EFCAB8: variants seen among roughly 807,000 people sequenced by gnomAD.
EFCAB8 encodes EF-hand calcium binding domain 8, also known as EF-hand calcium-binding domain-containing protein 8.
EFCAB8 carries 100 observed loss-of-function variants against 116.3 expected under a neutral mutation model. The ratio of observed to expected loss-of-function variants is 0.86; its 90% CI spans 0.73 to 1.02. The LOEUF is 1.02. Among genes scored for constraint, EFCAB8 ranks in the 50% least tolerant of loss-of-function variants. The pLI is 0.00. For missense variants in EFCAB8, 1,320 were observed against 1,416.9 expected (o/e 0.93, Z 1.10); for synonymous variants, 558 against 567.9 (o/e 0.98, Z 0.25).
intron 4 of EFCAB8, among the ~76,000 whole-genome samples, chr20:32,876,514 G>A: frequency 6.6e-6 from 1 of 152,204 alleles, no homozygotes; most frequent in East Asian, 1.9e-4. Flanking sequence ...GGAATATACA[G>A]CTTTTTAAGC....
intron 21 of EFCAB8, 93 bp downstream of exon 21, chr20:32,930,709 C>G: frequency 8.3e-7 from 1 of 1,208,250 alleles, no homozygotes; most frequent in South Asian, 1.4e-5. Context: ...AGTTCCTACT[C>G]TGTCTGGGTA....
At chr20:32,920,338 A>T in intron 20 of EFCAB8, 123 bp downstream of exon 20, 1 of 1,358,540 alleles carries the variant, frequency 7.4e-7, no homozygotes, top group Non-Finnish European at 9.9e-7. Context: ...CAGTGCCCGG[A>T]AGGCATCTTG....
rs1162669938 is a variant in EFCAB8 at position 32,911,647 on chromosome 20, G to T, written c.1725G>T (p.Lys575Asn). Residue 575 changes from lysine (K) to asparagine (N), a missense_variant, in exon 16 of 27, where the codon AAG (lysine) becomes AAT (asparagine). By Grantham distance (94) the Lys-to-Asn change is moderately conservative. Transcript: ENST00000400522. ...LLTGLRDGTMKMWNYNIGKCL... is the reference protein window; with the variant it reads ...LLTGLRDGTMNMWNYNIGKCL... Reference sequence around the variant, plus strand: ...CAGGTTTGCGGGATGGCACAATGAAGATGTGGAACTACAACATTGGCAAAT... The same window carrying T: ...CAGGTTTGCGGGATGGCACAATGAATATGTGGAACTACAACATTGGCAAAT... The T allele has an allele frequency of 5.8e-6, 9 of 1,551,628 alleles. No homozygotes were observed. The East Asian group carries it at 2.0e-4, about 34-fold the overall frequency.
At chr20:32,910,649 A>T (rs1486417938) in intron 15 of EFCAB8, among the ~76,000 whole-genome samples, 1 of 152,070 alleles carries the variant, frequency 6.6e-6, no homozygotes, top group East Asian at 1.9e-4. Flanking sequence ...TCAGTACCTT[A>T]AAAAAGTTTG....
At position 32,893,276 on chromosome 20, in the gene EFCAB8, C is replaced by A. The variant is rs1986005930; in HGVS notation, c.861C>A (p.Ile287=). The A allele has an allele frequency of 6.4e-7, 1 of 1,551,756 alleles. No homozygotes were observed. Among genetic ancestry groups the A allele is most frequent in the Admixed American group, 2.0e-5 (1 of 50,986 alleles). The change falls in exon 9 of 27, where the codon ATC becomes ATA. Residue 287 remains isoleucine (I), a synonymous_variant. Coordinates refer to ENST00000400522, the MANE Select transcript of EFCAB8 (RefSeq NM_001143967.2). ...CCAGTGGGCTGTTCAACCCCCGTATCCTCCCCAGGGCCTCCAAGTGGGGTA... is the reference window on the plus strand; with the variant it reads ...CCAGTGGGCTGTTCAACCCCCGTATACTCCCCAGGGCCTCCAAGTGGGGTA... The part of the protein sequence containing the change: ...NMTSGLFNPR[I]LPRASKWDHW...
chr20:32,939,199 CTTTCCTCTCTCTCTCT>C (rs1568941858), intron 22 of EFCAB8, among the ~76,000 whole-genome samples: 1 of 63,526 alleles, frequency 1.6e-5, no homozygotes, highest in Non-Finnish European at 3.1e-5. Context: ...TTCTTTCTTT[CTTTCCTCTCTCTCTCT>C]CTCTCTCTCT....
At position 32,937,793 on chromosome 20, in the gene EFCAB8, A is replaced by G. The variant is rs141967893; in HGVS notation, c.2791-5843A>G. Among the ~76,000 whole-genome samples the G allele has an allele frequency of 3.3e-3, 485 of 149,022 alleles. 35 individuals are homozygous for G. Among genetic ancestry groups the G allele is most frequent in the African/African-American group, 0.011 (460 of 40,040 alleles). On this transcript the variant is annotated intron_variant, in intron 22 of 26. Transcript: ENST00000400522. The stretch of plus-strand genomic sequence containing the variant: ...ACCACCATGCCTGGCTAATTTTTGT[A>G]TTTTTAGTAGAGACAGGGTTTCACC...
chr20:32,920,084 T>A lies in EFCAB8; in HGVS notation c.2281T>A (p.Ser761Thr), dbSNP rs757915907. The A allele has an allele frequency of 8.4e-6, 13 of 1,551,496 alleles. No homozygotes were observed. Among genetic ancestry groups the A allele is most frequent in the African/African-American group, 1.4e-5 (1 of 72,982 alleles). Residue 761 changes from serine to threonine, a missense_variant, in exon 20 of 27, where the codon TCC becomes ACC. By Grantham distance (58) the Ser-to-Thr change is moderately conservative. Transcript: ENST00000400522. ...TGCCCATCTTTCTTTCCAGAAACCT[T>A]CCAGTGCTTCTGGCACATCCAGGCA... ...PDRPVPQQKP[S>T]SASGTSRQSS...
intron 15 of EFCAB8, among the ~76,000 whole-genome samples, chr20:32,910,760 T>TTG (rs72023434): frequency 6.9e-6 from 1 of 144,520 alleles, no homozygotes; most frequent in Admixed American, 6.9e-5. Flanking sequence ...TTTTTTTTTT[T>TTG]GCCAGGGTCT....
At chr20:32,892,383 C>T in intron 8 of EFCAB8, 86 bp downstream of exon 8, 1 of 1,218,146 alleles carries the variant, frequency 8.2e-7, no homozygotes, top group Admixed American at 2.2e-5. Flanking sequence ...GTTGGGGCCC[C>T]CAGAAAGCCT....
chr20:32,863,455 T>C (rs1472728710), intron 1 of EFCAB8, among the ~76,000 whole-genome samples: 1 of 152,192 alleles, frequency 6.6e-6, no homozygotes, highest in African/African-American at 2.4e-5. Context: ...CTTCTACTTC[T>C]GTAGAAAGTG....
intron 22 of EFCAB8, among the ~76,000 whole-genome samples, chr20:32,941,943 A>G (rs1012419313): frequency 1.3e-5 from 2 of 152,208 alleles, no homozygotes; most frequent in African/African-American, 2.4e-5. Context: ...GTTGTTGTTT[A>G]TAGTTGTTTA....
intron 22 of EFCAB8, 101 bp downstream of exon 22, chr20:32,931,437 A>G: frequency 7.3e-7 from 1 of 1,365,706 alleles, no homozygotes; most frequent in Non-Finnish European, 9.6e-7. Context: ...TACACTTACT[A>G]AAAGATAAGA....
At chr20:32,922,813 T>TTCTC (rs150322386) in intron 20 of EFCAB8, among the ~76,000 whole-genome samples, 17 of 151,406 alleles carry the variant, frequency 1.1e-4, no homozygotes, top group African/African-American at 3.6e-4. Context: ...GAATGAGTAC[T>TTCTC]TCTCTCTCTC....
intron 5 of EFCAB8, among the ~76,000 whole-genome samples, chr20:32,879,626 A>T (rs971818154): frequency 9.9e-5 from 15 of 152,128 alleles, no homozygotes. Context: ...GCTAGGTTCA[A>T]TGGAGGGTGG....
chr20:32,889,263 G>T, intron 6 of EFCAB8, 38 bp from the exon 7 acceptor site: 1 of 1,527,408 alleles, frequency 6.5e-7, no homozygotes, highest in South Asian at 1.2e-5. Flanking sequence ...GCCTGAGTAT[G>T]CGTCCCAGCC....
chr20:32,946,239 C>T (rs1400588887), intron 23 of EFCAB8, among the ~76,000 whole-genome samples: 4 of 152,204 alleles, frequency 2.6e-5, no homozygotes. Context: ...TCATGCAGCC[C>T]TCTGAAAAGT....
At chr20:32,889,496 G>C (rs537914375) in intron 7 of EFCAB8, 90 bp downstream of exon 7, 3 of 1,302,212 alleles carry the variant, frequency 2.3e-6, no homozygotes, top group East Asian at 2.5e-5. Context: ...GAGCAACTGT[G>C]AACATGGATC....
intron 1 of EFCAB8, among the ~76,000 whole-genome samples, chr20:32,861,992 C>T (rs1443621599): frequency 6.6e-6 from 1 of 152,080 alleles, no homozygotes; most frequent in Non-Finnish European, 1.5e-5. Context: ...CTGTTTCTTT[C>T]CCTTATCACC....
Sources: gnomAD v4.1 joint callset for allele counts (sites outside exome capture counted in the v4.1 genomes callset) on GRCh38, gnomAD v4.1.1 for gene constraint, MANE v1.5 for transcripts, NCBI Gene and HGNC (gene_info 2026-07-23, HGNC 2026-07-21) for gene names.